The following SIK3 variants were observed in gnomAD, a reference collection of about 807,000 sequenced individuals.
SIK3 encodes SIK family kinase 3.
A neutral mutation model predicts 144.2 loss-of-function variants in SIK3; 28 were observed. That is an observed-to-expected ratio of 0.19 (90% CI 0.14 to 0.27). The LOEUF (loss-of-function observed/expected upper bound fraction) is 0.27. Among genes scored for constraint, SIK3 ranks in the 10% least tolerant of loss-of-function variants. SIK3 has a pLI of 1.00. For synonymous variants in SIK3, 686 were observed against 676.3 expected (o/e 1.01, Z -0.22); for missense variants, 1,319 against 1,776.0 (o/e 0.74, Z 4.62).
At chr11:116,890,505 C>G (rs1473184400) in intron 6 of SIK3, among the ~76,000 whole-genome samples, 1 of 152,216 alleles carries the variant, frequency 6.6e-6, no homozygotes, top group Non-Finnish European at 1.5e-5. Context: ...TCCTACTACA[C>G]ACCAGATCCT....
intron 1 of SIK3, among the ~76,000 whole-genome samples, chr11:117,068,215 A>G (rs376161293): frequency 6.6e-6 from 1 of 152,144 alleles, no homozygotes; most frequent in African/African-American, 2.4e-5. Flanking sequence ...CCCACACCCC[A>G]AAAATGGCTC....
At chr11:117,067,445 T>A (rs1459559223) in intron 1 of SIK3, among the ~76,000 whole-genome samples, 1 of 151,984 alleles carries the variant, frequency 6.6e-6, no homozygotes, top group African/African-American at 2.4e-5. Context: ...GATGAGGCCA[T>A]TTATATGAAA....
chr11:116,864,552 C>T (rs1943525233), intron 15 of SIK3: 1 of 152,290 alleles, frequency 6.6e-6, no homozygotes, highest in Non-Finnish European at 1.5e-5. Context: ...GGAACACAGC[C>T]AGAATCTTAC....
chr11:116,975,295 T>C (rs1482461250), intron 1 of SIK3, among the ~76,000 whole-genome samples: 1 of 148,612 alleles, frequency 6.7e-6, no homozygotes, highest in Non-Finnish European at 1.5e-5. Flanking sequence ...ACCATCACAA[T>C]CTAACTGAAC....
chr11:116,995,893 T>C (rs73594128), intron 1 of SIK3, among the ~76,000 whole-genome samples: 8,635 of 152,210 alleles, frequency 0.057, 525 homozygotes, highest in African/African-American at 0.15. Context: ...AACCTGCCTG[T>C]AGTCCCAAAT....
chr11:117,040,275 G>A (rs1348817975), intron 1 of SIK3, among the ~76,000 whole-genome samples: 6 of 152,164 alleles, frequency 3.9e-5, no homozygotes, highest in Non-Finnish European at 8.8e-5. Context: ...AACTGAGCAT[G>A]TGACTGAGTA....
At chr11:117,033,444 G>GTA (rs1952352596) in intron 1 of SIK3, among the ~76,000 whole-genome samples, 1 of 152,188 alleles carries the variant, frequency 6.6e-6, no homozygotes, top group Non-Finnish European at 1.5e-5. Context: ...GCTCACACCT[G>GTA]TAATTCCAGC....
At chr11:116,927,907 G>A (rs971512711) in intron 3 of SIK3, among the ~76,000 whole-genome samples, 13 of 152,138 alleles carry the variant, frequency 8.5e-5, no homozygotes, top group East Asian at 1.9e-4. Context: ...AAAGTTCTTC[G>A]ATTTGACATA....
intron 13 of SIK3, among the ~76,000 whole-genome samples, chr11:116,872,688 C>T (rs1944028704): frequency 6.6e-6 from 1 of 152,056 alleles, no homozygotes; most frequent in Admixed American, 6.6e-5. Context: ...TAAAAAATGC[C>T]TTGTATTTTA....
At chr11:116,939,483 CAGG>C (rs2135258512) in intron 3 of SIK3, among the ~76,000 whole-genome samples, 1 of 152,274 alleles carries the variant, frequency 6.6e-6, no homozygotes, top group East Asian at 1.9e-4. Flanking sequence ...AACTAAATGA[CAGG>C]AGTAGATAAA....
At chr11:117,006,396 CAA>C (rs1205223926) in intron 1 of SIK3, among the ~76,000 whole-genome samples, 2 of 152,144 alleles carry the variant, frequency 1.3e-5, no homozygotes, top group African/African-American at 2.4e-5. Context: ...AGGATTTATT[CAA>C]AGTCTCTCCA....
chr11:116,960,503 A>G (rs1391589608), intron 1 of SIK3, among the ~76,000 whole-genome samples: 1 of 152,262 alleles, frequency 6.6e-6, no homozygotes, highest in Non-Finnish European at 1.5e-5. Context: ...TCTGTGCAAC[A>G]GAATGAGACA....
intron 1 of SIK3, among the ~76,000 whole-genome samples, chr11:117,074,310 A>G (rs570538038): frequency 6.6e-6 from 1 of 152,192 alleles, no homozygotes; most frequent in African/African-American, 2.4e-5. Context: ...ACCTAGGTCT[A>G]CTTCCTCTTA....
intron 14 of SIK3, chr11:116,868,966 T>C (rs927300333): frequency 3.3e-5 from 5 of 152,120 alleles, no homozygotes; most frequent in Admixed American, 3.3e-4. Flanking sequence ...ACATCAAAAC[T>C]GATGGGCATT....
intron 1 of SIK3, among the ~76,000 whole-genome samples, chr11:117,037,583 C>T (rs1952565773): frequency 6.6e-6 from 1 of 152,174 alleles, no homozygotes; most frequent in Non-Finnish European, 1.5e-5. Flanking sequence ...GAGGACGGGG[C>T]AGCTCACTCT....
intron 1 of SIK3, among the ~76,000 whole-genome samples, chr11:117,045,364 G>A (rs56121615): frequency 0.029 from 4,453 of 152,198 alleles, 106 homozygotes; most frequent in Non-Finnish European, 0.047. Context: ...TAAGCTCCCA[G>A]GAAAGCCATT....
At chr11:116,882,371 G>C (rs762100973) in intron 6 of SIK3, among the ~76,000 whole-genome samples, 3 of 152,122 alleles carry the variant, frequency 2.0e-5, no homozygotes, top group Non-Finnish European at 4.4e-5. Flanking sequence ...GAAACAGAAG[G>C]CTTCCCGAAT....
chr11:117,023,619 A>ATATATATATATATATATATAT (rs374740569), intron 1 of SIK3, among the ~76,000 whole-genome samples: 8 of 99,812 alleles, frequency 8.0e-5, no homozygotes, highest in East Asian at 2.8e-4. Context: ...CAAAAAAAAA[A>ATATATATATATATATATATAT]AAATATATAT....
chr11:116,924,057 GGATCAGGATCTTGAACTCCTGA>G (rs775283481), intron 4 of SIK3, among the ~76,000 whole-genome samples: 17 of 152,144 alleles, frequency 1.1e-4, no homozygotes, highest in Non-Finnish European at 2.2e-4. Context: ...TGAGGCGGGT[GGATCAGGATCTTGAACTCCTGA>G]GGTCAGGAGT....
Sources: allele counts gnomAD v4.1 joint callset (sites outside exome capture counted in the v4.1 genomes callset), GRCh38; gene constraint gnomAD v4.1.1; transcripts MANE v1.5; gene names NCBI Gene and HGNC (gene_info 2026-07-23, HGNC 2026-07-21).